The following CTNNA3 variants were observed in gnomAD, a reference collection of about 807,000 sequenced individuals.
The protein encoded by CTNNA3 is catenin alpha 3, also known as catenin alpha-3.
CTNNA3 carries 76 observed loss-of-function variants against 95.7 expected under a neutral mutation model. That is an observed-to-expected ratio of 0.79 (90% CI 0.66 to 0.96). CTNNA3 has a LOEUF of 0.96. Ranked by LOEUF, CTNNA3 falls within the 40% of genes least tolerant of loss-of-function variation. The pLI is 0.00. For missense variants in CTNNA3, 1,191 were observed against 1,089.8 expected (o/e 1.09, Z -1.31); for synonymous variants, 431 against 374.4 (o/e 1.15, Z -1.74).
At chr10:67,387,509 G>A (rs1466594511) in intron 5 of CTNNA3, among the ~76,000 whole-genome samples, 2 of 152,240 alleles carry the variant, frequency 1.3e-5, no homozygotes. Context: ...GCCCAGGCTT[G>A]ATTAGGTAAA....
At chr10:66,650,308 A>T (rs1290997653) in intron 9 of CTNNA3, among the ~76,000 whole-genome samples, 1 of 152,204 alleles carries the variant, frequency 6.6e-6, no homozygotes, top group Non-Finnish European at 1.5e-5. Flanking sequence ...AGATGTAATC[A>T]TATTAAGTAT....
chr10:66,928,596 C>G (rs969031250), intron 7 of CTNNA3: 28 of 711,906 alleles, frequency 3.9e-5, no homozygotes, highest in Middle Eastern at 7.2e-4. Flanking sequence ...CCTTCCTTGT[C>G]CGTTTTAGTG....
chr10:67,363,200 A>G (rs1843063372), intron 5 of CTNNA3, among the ~76,000 whole-genome samples: 2 of 152,118 alleles, frequency 1.3e-5, no homozygotes, highest in African/African-American at 4.8e-5. Context: ...GCCCAAAGCA[A>G]TCTACACATT....
intron 10 of CTNNA3, among the ~76,000 whole-genome samples, chr10:66,612,607 T>C (rs1170347657): frequency 6.6e-6 from 1 of 152,094 alleles, no homozygotes; most frequent in East Asian, 1.9e-4. Context: ...CTGAGCTTTC[T>C]GGCCTCCCCA....
chr10:67,448,613 T>C (rs1467855421), intron 5 of CTNNA3, among the ~76,000 whole-genome samples: 1 of 151,740 alleles, frequency 6.6e-6, no homozygotes, highest in African/African-American at 2.4e-5. Context: ...ATTGATTATG[T>C]ATTTAAAGAA....
intron 10 of CTNNA3, among the ~76,000 whole-genome samples, chr10:66,541,872 T>C (rs1434087139): frequency 6.6e-6 from 1 of 152,072 alleles, no homozygotes; most frequent in African/African-American, 2.4e-5. Flanking sequence ...GTTTTTGCAA[T>C]GCGTATTTAA....
At chr10:67,116,172 T>A (rs1427094929) in intron 7 of CTNNA3, among the ~76,000 whole-genome samples, 3 of 151,940 alleles carry the variant, frequency 2.0e-5, no homozygotes, top group Non-Finnish European at 4.4e-5. Flanking sequence ...ATTACAGCAT[T>A]TGAACACGTG....
At position 66,006,471 on chromosome 10, in the gene CTNNA3, T is replaced by A. The variant is rs965932094; in HGVS notation, c.2160-17674A>T. 2.0e-5 allele frequency among the ~76,000 whole-genome samples: 3 copies of A among 152,224 alleles called. No homozygotes were observed. In the East Asian group the frequency reaches 5.8e-4, roughly 30 times the overall value. On this transcript the variant is annotated intron_variant, in intron 15 of 17. Transcript: ENST00000433211. ...GGGAAATCTGTACTCAGCACCAACATTTGAAAACAGGTCTTTTCTTGCCTT... is the reference window on the plus strand; with the variant it reads ...GGGAAATCTGTACTCAGCACCAACAATTGAAAACAGGTCTTTTCTTGCCTT...
At chr10:66,400,527 T>C (rs1290819754) in intron 11 of CTNNA3, among the ~76,000 whole-genome samples, 6 of 152,034 alleles carry the variant, frequency 3.9e-5, no homozygotes, top group African/African-American at 9.7e-5. Context: ...TATATAGATA[T>C]AGATATATAG....
chr10:66,733,268 G>A (rs1849021762), intron 9 of CTNNA3, among the ~76,000 whole-genome samples: 4 of 151,730 alleles, frequency 2.6e-5, no homozygotes, highest in Admixed American at 6.6e-5. Context: ...TAACTCTCTT[G>A]TGTGTAGTAG....
At chr10:66,756,400 G>A (rs1169104781) in intron 9 of CTNNA3, among the ~76,000 whole-genome samples, 1 of 152,100 alleles carries the variant, frequency 6.6e-6, no homozygotes, top group East Asian at 1.9e-4. Context: ...AGCGATCAAC[G>A]CAATTCAGAG....
At chr10:66,614,277 T>C (rs1212796016) in intron 10 of CTNNA3, among the ~76,000 whole-genome samples, 1 of 152,002 alleles carries the variant, frequency 6.6e-6, no homozygotes, top group East Asian at 1.9e-4. Flanking sequence ...GGAAGGGGAA[T>C]AGTAATGGCT....
At chr10:66,759,978 G>A (rs957988702) in intron 9 of CTNNA3, among the ~76,000 whole-genome samples, 1 of 151,896 alleles carries the variant, frequency 6.6e-6, no homozygotes, top group Non-Finnish European at 1.5e-5. Context: ...ATTCCTATTG[G>A]CCAGCCTTAA....
chr10:67,670,833 C>A (rs1022726196), intron 1 of CTNNA3, among the ~76,000 whole-genome samples: 2 of 152,162 alleles, frequency 1.3e-5, no homozygotes, highest in African/African-American at 4.8e-5. Context: ...ACTTCCGTAA[C>A]TTTTTTTACA....
chr10:67,393,757 G>A (rs986022882), intron 5 of CTNNA3, among the ~76,000 whole-genome samples: 1 of 152,160 alleles, frequency 6.6e-6, no homozygotes, highest in Non-Finnish European at 1.5e-5. Flanking sequence ...TGGGGTTTCT[G>A]TACTAGTTGG....
intron 3 of CTNNA3, among the ~76,000 whole-genome samples, chr10:67,586,638 T>G (rs1014644720): frequency 6.6e-6 from 1 of 152,172 alleles, no homozygotes; most frequent in South Asian, 2.1e-4. Context: ...TGGCTTCTGT[T>G]TTGTGGAATA....
intron 5 of CTNNA3, among the ~76,000 whole-genome samples, chr10:67,276,570 TTTAA>T (rs1839186935): frequency 6.6e-6 from 1 of 152,152 alleles, no homozygotes. Flanking sequence ...ATTTGTATTT[TTTAA>T]TTAATTCTAT....
chr10:66,667,084 T>G (rs1846478543), intron 9 of CTNNA3, among the ~76,000 whole-genome samples: 1 of 152,174 alleles, frequency 6.6e-6, no homozygotes, highest in Non-Finnish European at 1.5e-5. Flanking sequence ...TCCTTAAAAC[T>G]ATCTATCTAA....
intron 1 of CTNNA3, among the ~76,000 whole-genome samples, chr10:67,738,270 G>C (rs1554880154): frequency 6.6e-6 from 1 of 152,204 alleles, no homozygotes; most frequent in Non-Finnish European, 1.5e-5. Flanking sequence ...AATATTTGCT[G>C]TTCTGCAGCC....
Sources: gnomAD v4.1 joint callset for allele counts (sites outside exome capture counted in the v4.1 genomes callset) on GRCh38, gnomAD v4.1.1 for gene constraint, MANE v1.5 for transcripts, NCBI Gene and HGNC (gene_info 2026-07-23, HGNC 2026-07-21) for gene names.